The following BCORL1 variants were observed in gnomAD, a reference collection of about 807,000 sequenced individuals.
The protein encoded by BCORL1 is BCL6 corepressor like 1, also known as BCL-6 corepressor-like protein 1.
Under a neutral mutation model 87.6 loss-of-function variants are expected in BCORL1, and 7 were observed. That is an observed-to-expected ratio of 0.08 (90% CI 0.05 to 0.15). The LOEUF is 0.15. Ranked by LOEUF, BCORL1 falls within the 10% of genes least tolerant of loss-of-function variation. The pLI, the probability that BCORL1 is intolerant of heterozygous loss-of-function variation, is 1.00. For missense variants in BCORL1, 1,215 were observed against 1,499.7 expected (o/e 0.81, Z 3.13); for synonymous variants, 591 against 634.4 (o/e 0.93, Z 1.03).
intron 1 of BCORL1, among the ~76,000 whole-genome samples, chrX:130,001,533 A>C: frequency 9.0e-6 from 1 of 111,659 alleles, no homozygotes; most frequent in South Asian, 3.7e-4. Flanking sequence ...CCAGAGAGGG[A>C]GGGGTTAACT....
At position 130,014,210 on chromosome X, in the gene BCORL1, G is replaced by A; in HGVS notation, c.1438G>A (p.Val480Ile). ...GGTTTCCTCCACTCTTACGCTCCCT[G>A]TCCTGCCGTCCTACCTGCAGGACAG... ...LGVSSTLTLP[V>I]LPSYLQDRCL... Residue 480 changes from valine to isoleucine, a missense_variant, in exon 4 of 14, where the codon GTC becomes ATC. Transcript: ENST00000540052. The A allele has an allele frequency of 2.5e-6, 3 of 1,210,565 alleles. No individual in the cohort carries two copies. Among genetic ancestry groups the A allele is most frequent in the Non-Finnish European group, 3.4e-6 (3 of 895,096 alleles).
chrX:130,033,263 A>G (rs1458180976), intron 8 of BCORL1, among the ~76,000 whole-genome samples: 1 of 110,098 alleles, frequency 9.1e-6, no homozygotes, highest in Non-Finnish European at 1.9e-5. Context: ...TTGTATTTTT[A>G]GTAGAGGCTG....
intron 1 of BCORL1, among the ~76,000 whole-genome samples, chrX:129,986,251 G>A (rs966027970): frequency 8.0e-5 from 9 of 112,058 alleles, no homozygotes; most frequent in African/African-American, 2.9e-4. Context: ...AGGCCAATAA[G>A]GAAGGGACAG....
chrX:130,025,922 G>A (rs952118809), intron 7 of BCORL1, among the ~76,000 whole-genome samples: 2 of 111,421 alleles, frequency 1.8e-5, no homozygotes, highest in Admixed American at 1.9e-4. Context: ...GCGGAGTGAA[G>A]CTTTGAGGTG....
rs751525357 is a variant in BCORL1, at chrX:129,991,075, A to G, written c.-45+8313A>G. Among the ~76,000 whole-genome samples, 164 of 111,476 alleles carry G rather than the reference A, an allele frequency of 1.5e-3. 1 individual carries two copies. Among genetic ancestry groups the G allele is most frequent in the Non-Finnish European group, 2.1e-3 (109 of 53,077 alleles). On this transcript the variant is annotated intron_variant, in intron 1 of 13. Transcript: ENST00000540052. ...CTCAGCCTCCCGTGTAGCTGGGACT[A>G]TAGGTGTGAGCCACCATGCCTGGCT... is the stretch of plus-strand genomic sequence containing the variant.
In BCORL1 at chrX:130,051,893, A is replaced by G. The variant is rs370904227; in HGVS notation, c.4952A>G (p.His1651Arg). Residue 1651 changes from histidine (H) to arginine (R), a missense_variant, in exon 13 of 14, where the codon CAT (histidine) becomes CGT (arginine). Around this residue, in one of 5 missense-constraint regions of BCORL1, gnomAD observed 129 missense variants for 157.5 expected, o/e 0.82. Transcript: ENST00000540052. ...GACGGGTTTGCCTGTGACCTCCTAC[A>G]TAATCCTCCTGGGAGCTCAGATCAA... ...EKDGFACDLL[H>R]NPPGSSDQEG... 6 of 1,205,915 alleles carry G rather than the reference A, an allele frequency of 5.0e-6. No homozygotes were observed. Among genetic ancestry groups the G allele is most frequent in the Middle Eastern group, 2.3e-4 (1 of 4,339 alleles).
chrX:130,023,078 G>A (rs958820989), intron 6 of BCORL1, 101 bp downstream of exon 6: 2 of 732,355 alleles, frequency 2.7e-6, no homozygotes, highest in Admixed American at 4.8e-5. Flanking sequence ...TGTCGAGTTG[G>A]GAATTTGATT....
chrX:130,006,010 T>C (rs1299884403), intron 2 of BCORL1, among the ~76,000 whole-genome samples: 1 of 111,310 alleles, frequency 9.0e-6, no homozygotes, highest in African/African-American at 3.3e-5. Flanking sequence ...TTGATCTAGG[T>C]CTGGAAGAAA....
intron 9 of BCORL1, among the ~76,000 whole-genome samples, chrX:130,035,836 C>A (rs1481096006): frequency 8.9e-6 from 1 of 112,666 alleles, no homozygotes; most frequent in Non-Finnish European, 1.9e-5. Flanking sequence ...GTGGAAGGAG[C>A]CCTTTTGGGC....
At chrX:130,010,814 G>T (rs1251615153) in intron 2 of BCORL1, among the ~76,000 whole-genome samples, 1 of 108,236 alleles carries the variant, frequency 9.2e-6, no homozygotes, top group Non-Finnish European at 1.9e-5. Flanking sequence ...GTCTTCAGGA[G>T]CTTGGGGTGA....
chrX:130,025,002 G>A lies in BCORL1; in HGVS notation c.3701G>A (p.Ser1234Asn), dbSNP rs751256102. Reference sequence around the variant, plus strand: ...ATCCCATCCACAGGAAGCATCTGTAGCTCCTTTGCTGGCATGGCAGACAGT... The same window carrying A: ...ATCCCATCCACAGGAAGCATCTGTAACTCCTTTGCTGGCATGGCAGACAGT... ...RTRSQSGSIC[S>N]SFAGMADSDM... is the part of the protein sequence containing the mutation. Residue 1234 changes from serine (S) to asparagine (N), a missense_variant, in exon 7 of 14, where the codon AGC (serine) becomes AAC (asparagine). This residue lies in a region of BCORL1 where 166 missense variants were observed against 196.5 expected (regional missense o/e 0.84). Coordinates refer to ENST00000540052, the MANE Select transcript of BCORL1 (RefSeq NM_001379451.1). 39 of 1,209,486 alleles carry A rather than the reference G, an allele frequency of 3.2e-5. No homozygotes were observed. In the Admixed American group the frequency reaches 8.5e-4, roughly 26 times the overall value.
At chrX:129,985,909 C>G (rs764475442) in intron 1 of BCORL1, among the ~76,000 whole-genome samples, 1 of 109,655 alleles carries the variant, frequency 9.1e-6, no homozygotes, top group Non-Finnish European at 1.9e-5. Flanking sequence ...GAGTGCAGTG[C>G]TACAATCTCA....
At chrX:130,023,075 T>C in intron 6 of BCORL1, 98 bp downstream of exon 6, 1 of 755,947 alleles carries the variant, frequency 1.3e-6, no homozygotes, top group Non-Finnish European at 2.0e-6. Flanking sequence ...AGGTGTCGAG[T>C]TGGGAATTTG....
intron 1 of BCORL1, among the ~76,000 whole-genome samples, chrX:129,990,103 C>A (rs919996881): frequency 2.7e-5 from 3 of 110,419 alleles, no homozygotes; most frequent in Non-Finnish European, 5.7e-5. Context: ...CTTTGTTGAG[C>A]CTCAGTTTTC....
Position 130,013,419 on chromosome X carries a change from C to T in BCORL1, c.647C>T (p.Ser216Phe). The change falls in exon 4 of 14, where the codon TCT becomes TTT. Residue 216 changes from serine (S) to phenylalanine (F), a missense_variant. Physicochemically the swap from Ser to Phe is radical, Grantham distance 155 (BLOSUM62 -2). Around this residue, in one of 5 missense-constraint regions of BCORL1, gnomAD observed 861 missense variants for 1,010.0 expected, o/e 0.85. Coordinates refer to ENST00000540052, the MANE Select transcript of BCORL1 (RefSeq NM_001379451.1). ...PAPGSASVPH[S>F]VPDAFQVPLS... ...CCCGGTTCGGCCTCTGTGCCCCACTCTGTTCCAGATGCATTCCAGGTTCCC... is the reference window on the plus strand; with the variant it reads ...CCCGGTTCGGCCTCTGTGCCCCACTTTGTTCCAGATGCATTCCAGGTTCCC... The T allele has an allele frequency of 8.3e-7, 1 of 1,211,541 alleles. No individual in the cohort carries two copies. The highest frequency in any genetic ancestry group is 1.1e-6 in the Non-Finnish European group (1 of 895,443).
chrX:130,050,847 C>A, intron 12 of BCORL1, 53 bp downstream of exon 12: 1 of 1,050,052 alleles, frequency 9.5e-7, no homozygotes, highest in Non-Finnish European at 1.3e-6. Context: ...CAGGAGTAGC[C>A]CTGTGGTGGT....
intron 1 of BCORL1, among the ~76,000 whole-genome samples, chrX:129,999,947 T>G (rs1221548421): frequency 9.0e-6 from 1 of 111,341 alleles, no homozygotes; most frequent in East Asian, 2.8e-4. Context: ...GTGCTGGGAT[T>G]ACAGGTGTGA....
At chrX:129,981,735 G>T (rs1307124465), upstream of BCORL1, 1 of 107,075 alleles carries the variant, frequency 9.3e-6, no homozygotes, top group Non-Finnish European at 1.9e-5. Flanking sequence ...AACTCGGGTC[G>T]CCCCCACCAT....
intron 1 of BCORL1, among the ~76,000 whole-genome samples, chrX:129,998,848 T>C (rs1172871021): frequency 1.8e-5 from 2 of 111,187 alleles, no homozygotes; most frequent in South Asian, 3.8e-4. Flanking sequence ...GAGGCTACTG[T>C]TAATTAGCAA....
Sources: allele counts gnomAD v4.1 joint callset (sites outside exome capture counted in the v4.1 genomes callset), GRCh38; gene constraint gnomAD v4.1.1; regional missense constraint gnomAD v4.1.1; transcripts MANE v1.5; gene names NCBI Gene and HGNC (gene_info 2026-07-23, HGNC 2026-07-21).